The following RNASEH2C variants were observed in gnomAD, a reference collection of about 807,000 sequenced individuals.
The protein encoded by RNASEH2C is ribonuclease H2 subunit C.
A neutral mutation model predicts 16.3 loss-of-function variants in RNASEH2C; 20 were observed. That is an observed-to-expected ratio of 1.23 (90% CI 0.86 to 1.79). RNASEH2C has a LOEUF of 1.79. Ranked by LOEUF, RNASEH2C falls within the 40% of genes most tolerant of loss-of-function variation. RNASEH2C has a pLI of 0.00. For synonymous variants in RNASEH2C, 106 were observed against 98.9 expected (o/e 1.07, Z -0.43); for missense variants, 296 against 235.9 (o/e 1.25, Z -1.67).
chr11:65,718,807 TTCTC>T lies in RNASEH2C; in HGVS notation c.*972_*975del, dbSNP rs369903559. 6.5e-5 allele frequency: 105 copies of T among 1,613,760 alleles called. No individual in the cohort carries two copies. Among genetic ancestry groups the T allele is most frequent in the Admixed American group, 2.2e-4 (13 of 60,018 alleles). On this transcript the variant is annotated 3_prime_UTR_variant, in exon 4 of 4. Transcript: ENST00000308418. Reference sequence around the variant, plus strand: ...GGCATGGCTTGTCTGTTCCTGGGCTTTCTCTCTCAGGGCTCCTGGGGACAGATAA... The same window carrying T: ...GGCATGGCTTGTCTGTTCCTGGGCTTTCTCAGGGCTCCTGGGGACAGATAA...
Position 65,718,500 on chromosome 11 carries a change from A to T in RNASEH2C, c.*1283T>A. The T allele has an allele frequency of 1.5e-6, 2 of 1,372,854 alleles. No individual in the cohort carries two copies. Among genetic ancestry groups the T allele is most frequent in the Non-Finnish European group, 2.0e-6 (2 of 988,476 alleles). 85.0% of individuals were successfully genotyped at this position (1,372,854 alleles called of 1,614,324 possible). ...AAGTGGCAGGGCCATGATAGGAACT[A>T]GGCAGCCTGCCTTGGCAACCTGTGT... On this transcript the variant is annotated 3_prime_UTR_variant, in exon 4 of 4. Coordinates refer to ENST00000308418, the MANE Select transcript of RNASEH2C (RefSeq NM_032193.4).
In RNASEH2C at chr11:65,718,971, G is replaced by A; in HGVS notation, c.*812C>T. On this transcript the variant is annotated 3_prime_UTR_variant, in exon 4 of 4. Transcript: ENST00000308418. ...TACTACAAGGTAGGGAGGCAGGCAG[G>A]GGAGACAGGTGTGTGGGATGCAGAG... 1.2e-6 allele frequency: 2 copies of A among 1,614,072 alleles called. No individual in the cohort carries two copies. Among genetic ancestry groups the A allele is most frequent in the Non-Finnish European group, 1.7e-6 (2 of 1,179,968 alleles).
rs376447456 is a variant in RNASEH2C at position 65,718,584 on chromosome 11, C to T, written c.*1199G>A. 19 of 1,613,402 alleles carry T rather than the reference C, an allele frequency of 1.2e-5. No homozygotes were observed. In the African/African-American group the frequency reaches 2.0e-4, roughly 17 times the overall value. On this transcript the variant is annotated 3_prime_UTR_variant, in exon 4 of 4. Transcript: ENST00000308418. ...TTACTCACCCTCTCCTGCTCCATTGCTTTAGGCTATGAACTCTCCAAAGTG... is the reference window on the plus strand; with the variant it reads ...TTACTCACCCTCTCCTGCTCCATTGTTTTAGGCTATGAACTCTCCAAAGTG...
In RNASEH2C at chr11:65,720,103, A is replaced by G; in HGVS notation, c.410T>C (p.Ile137Thr). The G allele has an allele frequency of 2.5e-6, 4 of 1,614,172 alleles. No individual in the cohort carries two copies. The highest frequency in any genetic ancestry group is 1.6e-4 in the Middle Eastern group (1 of 6,062). ...SRFTLWGLET[I>T]PGPDAKVRGA... ...ACGCACTTTGGCATCCGGGCCAGGG[A>G]TGGTCTCCAGACCCCACAGGGTGAA... Residue 137 changes from isoleucine to threonine, a missense_variant, in exon 3 of 4, where the codon ATC (isoleucine) becomes ACC (threonine). Physicochemically the swap from Ile to Thr is moderately conservative, Grantham distance 89 (BLOSUM62 -1). Coordinates refer to ENST00000308418, the MANE Select transcript of RNASEH2C (RefSeq NM_032193.4).
chr11:65,719,191 G>T lies in RNASEH2C; in HGVS notation c.*592C>A. 1.9e-6 allele frequency: 3 copies of T among 1,612,840 alleles called. No homozygotes were observed. Among genetic ancestry groups the T allele is most frequent in the Non-Finnish European group, 2.5e-6 (3 of 1,179,620 alleles). Reference sequence around the variant, plus strand: ...GAGGGGGAAGTGGTGACCAGACACTGCCCACTGCAGTGCCAAGACGGCAGC... The same window carrying T: ...GAGGGGGAAGTGGTGACCAGACACTTCCCACTGCAGTGCCAAGACGGCAGC... On this transcript the variant is annotated 3_prime_UTR_variant, in exon 4 of 4. Coordinates refer to ENST00000308418, the MANE Select transcript of RNASEH2C (RefSeq NM_032193.4).
Position 65,720,154 on chromosome 11 carries a change from A to G in RNASEH2C, c.359T>C (p.Ile120Thr), listed in dbSNP as rs547025312. The G allele has an allele frequency of 6.2e-7, 1 of 1,614,200 alleles. No homozygotes were observed. Among genetic ancestry groups the G allele is most frequent in the African/African-American group, 1.3e-5 (1 of 75,074 alleles). The stretch of plus-strand genomic sequence containing the variant: ...GCGGCTGAAGTTGGCAGTGGCTCCA[A>G]TGAAGCGGTCCTGGGGAAGGGGCCT... ...EPLERDFDRF[I>T]GATANFSRFT... Residue 120 changes from isoleucine to threonine, a missense_variant, in exon 3 of 4, where the codon ATT (isoleucine) becomes ACT (threonine). Ile to Thr is a moderately conservative substitution (Grantham distance 89). Coordinates refer to ENST00000308418, the MANE Select transcript of RNASEH2C (RefSeq NM_032193.4).
chr11:65,720,001 A>G (rs1857341421), intron 3 of RNASEH2C, 44 bp downstream of exon 3: 1 of 1,610,684 alleles, frequency 6.2e-7, no homozygotes, highest in Non-Finnish European at 8.5e-7. Context: ...TGTGCTCCCC[A>G]GCCCATCCAC....
chr11:65,719,954 C>T (rs1206999722), intron 3 of RNASEH2C, 91 bp downstream of exon 3: 3 of 1,607,874 alleles, frequency 1.9e-6, no homozygotes, highest in Non-Finnish European at 2.5e-6. Context: ...TTCCCACACA[C>T]TACCCAGTAG....
chr11:65,719,783 TCA>T lies in RNASEH2C; in HGVS notation c.493_494del (p.Ter165ArgfsTer5). ...AAIHAQVPED[*>X] Reference sequence around the variant, plus strand: ...AGCTTTGAATTTCAAGCTCTGGTTCTCAGTCCTCGGGCACCTGTGCGTGAATC... The same window carrying T: ...AGCTTTGAATTTCAAGCTCTGGTTCTGTCCTCGGGCACCTGTGCGTGAATC... On this transcript the variant is annotated frameshift_variant and stop_lost, in exon 4 of 4. Coordinates refer to ENST00000308418, the MANE Select transcript of RNASEH2C (RefSeq NM_032193.4). LOFTEE classifies it high-confidence loss of function. 6.2e-7 allele frequency: 1 copy of T among 1,614,172 alleles called. No homozygotes were observed. Among genetic ancestry groups the T allele is most frequent in the Non-Finnish European group, 8.5e-7 (1 of 1,180,020 alleles).
Position 65,720,351 on chromosome 11 carries a change from ACGAGGCCAGG to A in RNASEH2C, c.229_238del (p.Pro77TrpfsTer4), listed in dbSNP as rs1461356047. Reference sequence around the variant, plus strand: ...CTCTTCTGTCACCATCACGTATCCCACGAGGCCAGGCGGCACCGCCACCTCCTCTCCCCGT... The same window carrying A: ...CTCTTCTGTCACCATCACGTATCCCACGGCACCGCCACCTCCTCTCCCCGT... On this transcript the variant is annotated frameshift_variant, in exon 2 of 4. Transcript: ENST00000308418. LOFTEE classifies it high-confidence loss of function. 2 of 1,614,192 alleles carry A rather than the reference ACGAGGCCAGG, an allele frequency of 1.2e-6. No homozygotes were observed. The highest frequency in any genetic ancestry group is 1.7e-6 in the Non-Finnish European group (2 of 1,180,030).
rs551663637 is a variant in RNASEH2C at position 65,720,057 on chromosome 11, G to A, written c.456C>T (p.Ser152=). 2 of 1,613,818 alleles carry A rather than the reference G, an allele frequency of 1.2e-6. No individual in the cohort carries two copies. The highest frequency in any genetic ancestry group is 1.1e-5 in the South Asian group (1 of 91,084). ...CTCGTCTACTCACCGCTGCCGCAAG[G>A]CTGGGCCAAGTTAAGGCCCCACGCA... is the stretch of plus-strand genomic sequence containing the variant. The part of the protein sequence containing the change: ...AKVRGALTWP[S]LAAAIHAQVP... Residue 152 remains serine (S), a synonymous_variant, in exon 3 of 4, where the codon AGC becomes AGT. Coordinates refer to ENST00000308418, the MANE Select transcript of RNASEH2C (RefSeq NM_032193.4).
At chr11:65,719,989 A>G (rs1220683198) in intron 3 of RNASEH2C, 56 bp downstream of exon 3, 3 of 1,610,008 alleles carry the variant, frequency 1.9e-6, no homozygotes, top group African/African-American at 1.3e-5. Flanking sequence ...CGTCTGCGCA[A>G]TTGTGCTCCC....
rs746356096 is a variant in RNASEH2C at position 65,719,569 on chromosome 11, C to G, written c.*214G>C. On this transcript the variant is annotated 3_prime_UTR_variant, in exon 4 of 4. Coordinates refer to ENST00000308418, the MANE Select transcript of RNASEH2C (RefSeq NM_032193.4). ...CAAAAATTTCTGGCTTCTCTTACCC[C>G]TATTGCCCCCGGCAATAAATTGTTT... 4 of 648,054 alleles carry G rather than the reference C, an allele frequency of 6.2e-6. No individual in the cohort carries two copies. Among genetic ancestry groups the G allele is most frequent in the Admixed American group, 2.5e-5 (1 of 39,500 alleles). 40.1% of individuals were successfully genotyped at this position (648,054 alleles called of 1,614,324 possible). A position where few individuals can be genotyped will look rare whatever the true frequency, so the allele number is the denominator to read the frequency against.
At position 65,719,320 on chromosome 11, in the gene RNASEH2C, CAG is replaced by C. The variant is rs962717370; in HGVS notation, c.*461_*462del. ...CTCAAAAAGGAGAGGACAGGCCTGGCAGGGGCCCACTGGTGCCCAGCACCAAG... is the reference window on the plus strand; with the variant it reads ...CTCAAAAAGGAGAGGACAGGCCTGGCGGGCCCACTGGTGCCCAGCACCAAG... On this transcript the variant is annotated 3_prime_UTR_variant, in exon 4 of 4. Coordinates refer to ENST00000308418, the MANE Select transcript of RNASEH2C (RefSeq NM_032193.4). 3 of 1,064,606 alleles carry C rather than the reference CAG, an allele frequency of 2.8e-6. No individual in the cohort carries two copies. Among genetic ancestry groups the C allele is most frequent in the African/African-American group, 3.2e-5 (2 of 62,794 alleles). 65.9% of individuals were successfully genotyped at this position (1,064,606 alleles called of 1,614,324 possible). A position where few individuals can be genotyped will look rare whatever the true frequency, so the allele number is the denominator to read the frequency against.
In RNASEH2C at chr11:65,719,074, G is replaced by A. The variant is rs1857306488; in HGVS notation, c.*709C>T. ...CCAGTACATCCTCACACTGTCAGAG[G>A]ACATCGTGGATGGCCATGAGCGGGC... On this transcript the variant is annotated 3_prime_UTR_variant, in exon 4 of 4. Coordinates refer to ENST00000308418, the MANE Select transcript of RNASEH2C (RefSeq NM_032193.4). 1.2e-6 allele frequency: 2 copies of A among 1,614,148 alleles called. No homozygotes were observed. Among genetic ancestry groups the A allele is most frequent in the Non-Finnish European group, 1.7e-6 (2 of 1,180,010 alleles).
rs1344140378 is a variant in RNASEH2C at position 65,719,820 on chromosome 11, A to C, written c.469-11T>G. Reference sequence around the variant, plus strand: ...CACCTGTGCGTGAATCTGCAACAGGAGTCGCCTCTACTGTTGGACTTGTAA... The same window carrying C: ...CACCTGTGCGTGAATCTGCAACAGGCGTCGCCTCTACTGTTGGACTTGTAA... On this transcript the variant is annotated splice_polypyrimidine_tract_variant and intron_variant, in intron 3 of 3. Transcript: ENST00000308418. 2 of 1,613,948 alleles carry C rather than the reference A, an allele frequency of 1.2e-6. No homozygotes were observed. The highest frequency in any genetic ancestry group is 2.2e-5 in the East Asian group (1 of 44,890).
Position 65,718,627 on chromosome 11 carries a change from C to A in RNASEH2C, c.*1156G>T. The A allele has an allele frequency of 6.2e-7, 1 of 1,614,196 alleles. No individual in the cohort carries two copies. Among genetic ancestry groups the A allele is most frequent in the Non-Finnish European group, 8.5e-7 (1 of 1,180,022 alleles). Reference sequence around the variant, plus strand: ...CCAAAGTGGAAGGGAAAACAGGGACCCCTGAGAAGCCCCTCTCAGACCTTG... The same window carrying A: ...CCAAAGTGGAAGGGAAAACAGGGACACCTGAGAAGCCCCTCTCAGACCTTG... On this transcript the variant is annotated 3_prime_UTR_variant, in exon 4 of 4. Transcript: ENST00000308418.
Position 65,720,675 on chromosome 11 carries a change from T to C in RNASEH2C, c.84A>G (p.Thr28=), listed in dbSNP as rs1857361525. Residue 28 remains threonine, a synonymous_variant, in exon 1 of 4, where the codon ACA becomes ACG. Coordinates refer to ENST00000308418, the MANE Select transcript of RNASEH2C (RefSeq NM_032193.4). ...SATLRDAVPA[T]LHLLPCEVAV... is the part of the protein sequence containing the mutation. Reference sequence around the variant, plus strand: ...CAACCTCGCAGGGCAGCAGATGCAGTGTGGCGGGTACGGCGTCGCGCAATG... The same window carrying C: ...CAACCTCGCAGGGCAGCAGATGCAGCGTGGCGGGTACGGCGTCGCGCAATG... 1 of 1,588,320 alleles carries C rather than the reference T, an allele frequency of 6.3e-7. No homozygotes were observed. Among genetic ancestry groups the C allele is most frequent in the African/African-American group, 1.3e-5 (1 of 74,300 alleles).
chr11:65,719,101 A>G lies in RNASEH2C; in HGVS notation c.*682T>C, dbSNP rs1421141209. 1 of 1,614,068 alleles carries G rather than the reference A, an allele frequency of 6.2e-7. No homozygotes were observed. Among genetic ancestry groups the G allele is most frequent in the Non-Finnish European group, 8.5e-7 (1 of 1,180,036 alleles). On this transcript the variant is annotated 3_prime_UTR_variant, in exon 4 of 4. Coordinates refer to ENST00000308418, the MANE Select transcript of RNASEH2C (RefSeq NM_032193.4). ...CATCGTGGATGGCCATGAGCGGGCC[A>G]TGCTCAAGCGGCTCCTGCGGATCGA...
Sources: allele counts gnomAD v4.1 joint callset, GRCh38; gene constraint gnomAD v4.1.1; transcripts MANE v1.5; gene names NCBI Gene and HGNC (gene_info 2026-07-23, HGNC 2026-07-21).